Variants in UBE2Q2 observed in about 807,000 individuals in gnomAD.
UBE2Q2 encodes ubiquitin-conjugating enzyme E2 Q2.
A neutral mutation model predicts 59.9 loss-of-function variants in UBE2Q2; 54 were observed. The observed-to-expected ratio is 0.90, with a 90% CI of 0.72 to 1.13. The LOEUF is 1.13. Among genes scored for constraint, UBE2Q2 ranks in the 50% most tolerant of loss-of-function variants. The pLI is 0.00. For synonymous variants in UBE2Q2, 165 were observed against 155.2 expected, an observed-to-expected ratio of 1.06 and a Z score of -0.47; for missense variants, 433 against 441.9, an observed-to-expected ratio of 0.98 and a Z score of 0.18.
At position 75,868,990 on chromosome 15, in the gene UBE2Q2, G is replaced by A. The variant is rs1897647963; in HGVS notation, c.427G>A (p.Glu143Lys). ...AGAAGTGACTTCAGAAGAAGAGGAAGAAGAAGAAGAGATGGCTGAAGTAGG... is the reference window on the plus strand; with the variant it reads ...AGAAGTGACTTCAGAAGAAGAGGAAAAAGAAGAAGAGATGGCTGAAGTAGG... ...TEEVTSEEEE[E>K]EEEMAEDIED... Residue 143 changes from glutamate (E) to lysine (K), a missense_variant, in exon 4 of 13, where the codon GAA becomes AAA. By Grantham distance (56) the Glu-to-Lys change is moderately conservative (BLOSUM62 1). Coordinates refer to ENST00000267938, the MANE Select transcript of UBE2Q2 (RefSeq NM_173469.4). 1 of 1,612,554 alleles carries A rather than the reference G, an allele frequency of 6.2e-7. No individual in the cohort carries two copies. The highest frequency in any genetic ancestry group is 1.3e-5 in the African/African-American group (1 of 74,848).
intron 11 of UBE2Q2, among the ~76,000 whole-genome samples, chr15:75,891,960 G>A (rs982977469): frequency 7.9e-5 from 12 of 152,240 alleles, no homozygotes; most frequent in South Asian, 6.2e-4. Flanking sequence ...TCTATGATCA[G>A]GAAAGGCATC....
At chr15:75,882,800 A>G (rs1177453798) in intron 8 of UBE2Q2, among the ~76,000 whole-genome samples, 1 of 152,092 alleles carries the variant, frequency 6.6e-6, no homozygotes, top group Non-Finnish European at 1.5e-5. Flanking sequence ...TGTCAGGGCA[A>G]TTTGCAGTTT....
At chr15:75,894,511 G>A (rs1431845272) in intron 11 of UBE2Q2, among the ~76,000 whole-genome samples, 4 of 152,150 alleles carry the variant, frequency 2.6e-5, no homozygotes, top group African/African-American at 7.2e-5. Flanking sequence ...TTGAACCCAG[G>A]AGGTGAAGGT....
intron 3 of UBE2Q2, among the ~76,000 whole-genome samples, chr15:75,862,981 T>C (rs540904356): frequency 8.3e-4 from 126 of 152,314 alleles, no homozygotes; most frequent in African/African-American, 3.0e-3. Flanking sequence ...AACTACTCCA[T>C]TCCTCTGGAG....
chr15:75,896,644 C>T (rs1899438856), intron 11 of UBE2Q2, among the ~76,000 whole-genome samples: 1 of 152,108 alleles, frequency 6.6e-6, no homozygotes, highest in South Asian at 2.1e-4. Flanking sequence ...TGTGTGAAGA[C>T]AGTTTGAGTT....
chr15:75,885,192 T>C (rs962948492), intron 9 of UBE2Q2, among the ~76,000 whole-genome samples: 1 of 152,060 alleles, frequency 6.6e-6, no homozygotes, highest in African/African-American at 2.4e-5. Context: ...TGATCTCAGC[T>C]CACTGCAACC....
Position 75,843,504 on chromosome 15 carries a change from G to C in UBE2Q2, c.-163G>C, listed in dbSNP as rs1484050573. ...GGCCGCCACACGCCGAGGCTTCCGC[G>C]CCCCTCGCCATTTTCCAGCAGCGCT... On this transcript the variant is annotated 5_prime_UTR_variant, in exon 1 of 13. Coordinates refer to ENST00000267938, the MANE Select transcript of UBE2Q2 (RefSeq NM_173469.4). 3 of 334,210 alleles carry C rather than the reference G, an allele frequency of 9.0e-6. No individual in the cohort carries two copies. The highest frequency in any genetic ancestry group is 1.5e-5 in the Non-Finnish European group (3 of 201,446). 20.7% of individuals were successfully genotyped at this position (334,210 alleles called of 1,614,324 possible).
At chr15:75,851,870 A>G (rs1896651360) in intron 1 of UBE2Q2, among the ~76,000 whole-genome samples, 1 of 152,092 alleles carries the variant, frequency 6.6e-6, no homozygotes, top group African/African-American at 2.4e-5. Flanking sequence ...CTGCTTCATC[A>G]TAGACATTCT....
intron 7 of UBE2Q2, among the ~76,000 whole-genome samples, chr15:75,878,797 A>G (rs576935716): frequency 6.6e-6 from 1 of 151,826 alleles, no homozygotes; most frequent in East Asian, 1.9e-4. Flanking sequence ...ACTTTTTTTG[A>G]GTTCTTGAGA....
chr15:75,853,490 T>TTATA (rs35429355), intron 1 of UBE2Q2, among the ~76,000 whole-genome samples: 46 of 148,390 alleles, frequency 3.1e-4, no homozygotes, highest in East Asian at 1.8e-3. Flanking sequence ...GAAAAAAAAA[T>TTATA]TATATATATA....
At chr15:75,883,257 A>T in intron 8 of UBE2Q2, 109 bp from the exon 9 acceptor site, 3 of 1,012,910 alleles carry the variant, frequency 3.0e-6, no homozygotes, top group Non-Finnish European at 4.3e-6. Context: ...CTTACCCATT[A>T]TCTGATAATA....
intron 1 of UBE2Q2, among the ~76,000 whole-genome samples, chr15:75,848,812 A>G (rs1379702158): frequency 2.0e-5 from 3 of 152,294 alleles, no homozygotes; most frequent in South Asian, 2.1e-4. Flanking sequence ...GTGATAAAGC[A>G]GGGGTCCCTT....
At chr15:75,892,751 C>T (rs1460140830) in intron 11 of UBE2Q2, among the ~76,000 whole-genome samples, 1 of 152,100 alleles carries the variant, frequency 6.6e-6, no homozygotes, top group Non-Finnish European at 1.5e-5. Flanking sequence ...GGGTACCTGT[C>T]TATAGTCTCA....
At chr15:75,877,414 A>G (rs1898147284) in intron 6 of UBE2Q2, among the ~76,000 whole-genome samples, 1 of 152,206 alleles carries the variant, frequency 6.6e-6, no homozygotes, top group South Asian at 2.1e-4. Context: ...ATAAAGTACA[A>G]ACATTTGAAT....
At chr15:75,864,299 G>T (rs907702823) in intron 3 of UBE2Q2, among the ~76,000 whole-genome samples, 1 of 106,360 alleles carries the variant, frequency 9.4e-6, no homozygotes, top group Non-Finnish European at 2.1e-5. Context: ...TTTTCAACTG[G>T]AGGAGATTTT....
At chr15:75,895,662 C>T (rs1899376775) in intron 11 of UBE2Q2, among the ~76,000 whole-genome samples, 1 of 151,442 alleles carries the variant, frequency 6.6e-6, no homozygotes, top group African/African-American at 2.4e-5. Flanking sequence ...CTCAGTCTCA[C>T]TCAATAGAAA....
intron 1 of UBE2Q2, among the ~76,000 whole-genome samples, chr15:75,851,404 A>T (rs1032946520): frequency 6.6e-6 from 1 of 152,118 alleles, no homozygotes; most frequent in South Asian, 2.1e-4. Flanking sequence ...TTTAGAAAAT[A>T]GTGGTTCACC....
At chr15:75,857,517 T>C (rs942899688) in intron 2 of UBE2Q2, among the ~76,000 whole-genome samples, 1 of 152,166 alleles carries the variant, frequency 6.6e-6, no homozygotes, top group Non-Finnish European at 1.5e-5. Flanking sequence ...TGTCTTCACC[T>C]TTTTTCGCTG....
intron 12 of UBE2Q2, among the ~76,000 whole-genome samples, chr15:75,898,178 G>A (rs980925877): frequency 6.6e-6 from 1 of 152,070 alleles, no homozygotes; most frequent in African/African-American, 2.4e-5. Context: ...TTAGGTTTTT[G>A]CGGAACCTGG....
Sources: gnomAD v4.1 joint callset for allele counts (sites outside exome capture counted in the v4.1 genomes callset) on GRCh38, gnomAD v4.1.1 for gene constraint, MANE v1.5 for transcripts, NCBI Gene and HGNC (gene_info 2026-07-23, HGNC 2026-07-21) for gene names.